The following EXOSC2 variants were observed in gnomAD, a reference collection of about 807,000 sequenced individuals.
EXOSC2 encodes exosome component 2.
EXOSC2 carries 29 observed loss-of-function variants against 37.6 expected under a neutral mutation model. The observed-to-expected ratio is 0.77, with a 90% confidence interval of 0.57 to 1.05. The LOEUF (loss-of-function observed/expected upper bound fraction) is 1.05. Among genes scored for constraint, EXOSC2 ranks in the 50% least tolerant of loss-of-function variants. The pLI is 0.00. For missense variants in EXOSC2, 346 were observed against 365.6 expected (o/e 0.95, Z 0.44); for synonymous variants, 119 against 131.1 (o/e 0.91, Z 0.63).
Position 130,694,222 on chromosome 9 carries a change from G to A in EXOSC2, c.122+309G>A, listed in dbSNP as rs1166611735. Among the ~76,000 whole-genome samples, 2 of 152,140 alleles carry A rather than the reference G, an allele frequency of 1.3e-5. No individual in the cohort carries two copies. The highest frequency in any genetic ancestry group is 2.9e-5 in the Non-Finnish European group (2 of 68,030). ...TGTGGGAGACCTGGAAAGCTGGGGA[G>A]GGTTAGGTGCAGGCTCTTTTCCAGT... On this transcript the variant is annotated intron_variant, in intron 1 of 8. Transcript: ENST00000372358. The surrounding 1 kb of genome is among the most constrained non-coding windows in gnomAD (Gnocchi z 4.0).
chr9:130,695,498 T>C lies in EXOSC2; in HGVS notation c.129T>C (p.His43=). 1 of 1,613,984 alleles carries C rather than the reference T, an allele frequency of 6.2e-7. No individual in the cohort carries two copies. The highest frequency in any genetic ancestry group is 8.5e-7 in the Non-Finnish European group (1 of 1,179,822). Residue 43 remains histidine (H), a synonymous_variant, in exon 2 of 9, where the codon CAT becomes CAC. Coordinates refer to ENST00000372358, the MANE Select transcript of EXOSC2 (RefSeq NM_014285.7). ...TATCTTCGCCTTGCATCAGGGGCCA[T>C]GGAACGTATATGGGAGAAGAGAAGC... ...ITTDTGFMRG[H]GTYMGEEKLI...
rs1831275428 is a variant in EXOSC2 at position 130,704,035 on chromosome 9, T to TA, written c.*262dup. ...TCAGCTCTTTCAAAGTGCACAGTGT[T>TA]ACAGTCGAATGGGCTCCCATCCTGG... On this transcript the variant is annotated 3_prime_UTR_variant, in exon 9 of 9. Transcript: ENST00000372358. 3.3e-6 allele frequency: 1 copy of TA among 306,950 alleles called. No homozygotes were observed. The highest frequency in any genetic ancestry group is 9.8e-5 in the South Asian group (1 of 10,208). The allele number at this position is 306,950 out of a possible 1,614,324, so 19.0% of individuals were successfully genotyped here. A position where few individuals can be genotyped will look rare whatever the true frequency, so the allele number is the denominator to read the frequency against.
At chr9:130,697,474 G>A in intron 2 of EXOSC2, 108 bp from the exon 3 acceptor site, 1 of 1,049,532 alleles carries the variant, frequency 9.5e-7, no homozygotes, top group South Asian at 1.3e-5. Flanking sequence ...GCTGAATGTG[G>A]CGCCTGTTCC....
chr9:130,697,070 T>C (rs1239030422), intron 2 of EXOSC2, among the ~76,000 whole-genome samples: 2 of 152,158 alleles, frequency 1.3e-5, no homozygotes, highest in Non-Finnish European at 2.9e-5. Context: ...TTAAAGGTAT[T>C]AGATTGAGTG....
chr9:130,695,812 G>A (rs988317372), intron 2 of EXOSC2, among the ~76,000 whole-genome samples: 2 of 150,124 alleles, frequency 1.3e-5, no homozygotes, highest in East Asian at 3.9e-4. Context: ...TACCTCCTCT[G>A]CAAAGTGAGT....
At chr9:130,701,093 A>G (rs887116375) in intron 6 of EXOSC2, 158 bp downstream of exon 6, 13 of 663,276 alleles carry the variant, frequency 2.0e-5, no homozygotes, top group Admixed American at 7.8e-5. Context: ...TAAACGTAAC[A>G]TCAGGACGGT....
chr9:130,701,046 A>T (rs1190108204), intron 6 of EXOSC2, 111 bp downstream of exon 6: 19 of 974,586 alleles, frequency 1.9e-5, no homozygotes, highest in Non-Finnish European at 2.4e-5. Flanking sequence ...GCTAAGCATT[A>T]ATAGAGGCTG....
rs753310215 is a variant in EXOSC2, at chr9:130,694,120, G to A, written c.122+207G>A. ...CCGTCTGCATTTGTCTCAGCTCCCT[G>A]AAACCCTCCACTCCTGACCTCCGGT... On this transcript the variant is annotated intron_variant, in intron 1 of 8. Transcript: ENST00000372358. This position sits in a 1 kb window ranked among gnomAD's most constrained non-coding sequence, Gnocchi z 4.0. 1.3e-5 allele frequency among the ~76,000 whole-genome samples: 2 copies of A among 152,022 alleles called. No homozygotes were observed. The highest frequency in any genetic ancestry group is 4.8e-5 in the African/African-American group (2 of 41,394).
chr9:130,703,840 A>AT lies in EXOSC2; in HGVS notation c.*67dup. On this transcript the variant is annotated 3_prime_UTR_variant, in exon 9 of 9. Coordinates refer to ENST00000372358, the MANE Select transcript of EXOSC2 (RefSeq NM_014285.7). The stretch of plus-strand genomic sequence containing the variant: ...GTGAAGACTGTGATGTGTGGTCCCC[A>AT]TATGTGGCTCAGCAAAGACTCGAGA... 1 of 1,317,562 alleles carries AT rather than the reference A, an allele frequency of 7.6e-7. No individual in the cohort carries two copies. The highest frequency in any genetic ancestry group is 1.1e-6 in the Non-Finnish European group (1 of 935,148). The allele number at this position is 1,317,562 out of a possible 1,614,324, so 81.6% of individuals were successfully genotyped here.
chr9:130,696,954 A>G (rs1241595379), intron 2 of EXOSC2, among the ~76,000 whole-genome samples: 1 of 152,144 alleles, frequency 6.6e-6, no homozygotes, highest in African/African-American at 2.4e-5. Context: ...TGCTTGATAC[A>G]TTTGAAAATG....
rs143849216 is a variant in EXOSC2 at position 130,693,815 on chromosome 9, A to G, written c.24A>G (p.Pro8=). ...AGATGGCGATGGAGATGAGGCTTCC[A>G]GTGGCTCGCAAGCCTCTTAGCGAGA... MAMEMRL[P]VARKPLSERL... is the part of the protein sequence containing the mutation. The change falls in exon 1 of 9, where the codon CCA becomes CCG. Residue 8 remains proline, a synonymous_variant. Transcript: ENST00000372358. The G allele has an allele frequency of 5.0e-6, 8 of 1,608,788 alleles. No homozygotes were observed. The highest frequency in any genetic ancestry group is 1.1e-5 in the South Asian group (1 of 90,910).
In EXOSC2 at chr9:130,703,063, T is replaced by G. The variant is rs150614184; in HGVS notation, c.683T>G (p.Leu228Arg). 1.4e-5 allele frequency: 22 copies of G among 1,613,524 alleles called. No individual in the cohort carries two copies. The African/African-American group carries it at 2.4e-4, about 18-fold the overall frequency. The stretch of plus-strand genomic sequence containing the variant: ...TGTGTCTCCTTATAGCCTGTCTCTC[T>G]TGCTGATCGAGAGGTGATATCCCGG... Reference protein sequence around the residue: ...GFIANLEPVSLADREVISRLR... With the variant: ...GFIANLEPVSRADREVISRLR... Residue 228 changes from leucine (L) to arginine (R), a missense_variant, in exon 8 of 9, where the codon CTT (leucine) becomes CGT (arginine). Transcript: ENST00000372358.
intron 7 of EXOSC2, among the ~76,000 whole-genome samples, chr9:130,702,690 G>GTTCAAGTGA (rs1340441642): frequency 6.6e-6 from 1 of 152,150 alleles, no homozygotes; most frequent in Non-Finnish European, 1.5e-5. Context: ...CACCTCCTGG[G>GTTCAAGTGA]TTCAAGTGAT....
intron 5 of EXOSC2, 111 bp downstream of exon 5, chr9:130,699,505 G>A (rs1302717506): frequency 9.1e-6 from 10 of 1,100,836 alleles, no homozygotes; most frequent in East Asian, 2.4e-5. Context: ...GCAGGGATCC[G>A]AGTCTTAGAC....
chr9:130,699,283 T>G, intron 4 of EXOSC2, 46 bp from the exon 5 acceptor site: 1 of 1,592,844 alleles, frequency 6.3e-7, no homozygotes, highest in Non-Finnish European at 8.6e-7. Flanking sequence ...ATGGAGACCT[T>G]TCTGAGGATC....
intron 2 of EXOSC2, among the ~76,000 whole-genome samples, chr9:130,696,110 C>T (rs1343383271): frequency 6.6e-6 from 1 of 152,094 alleles, no homozygotes; most frequent in Non-Finnish European, 1.5e-5. Context: ...TGATTTCCCC[C>T]CACTTGGCCT....
chr9:130,703,794 G>A lies in EXOSC2; in HGVS notation c.*20G>A, dbSNP rs376194925. 103 of 1,603,370 alleles carry A rather than the reference G, an allele frequency of 6.4e-5. 1 individual carries two copies. The South Asian group carries it at 7.2e-4, about 11-fold the overall frequency. On this transcript the variant is annotated 3_prime_UTR_variant, in exon 9 of 9. Coordinates refer to ENST00000372358, the MANE Select transcript of EXOSC2 (RefSeq NM_014285.7). ...GGATAAGGAGGTGCTCCAGAAGCAC[G>A]GGACTGTGGACCTTGCAGGAGTGAA... is the stretch of plus-strand genomic sequence containing the variant.
Position 130,694,046 on chromosome 9 carries a change from A to C in EXOSC2, c.122+133A>C. The C allele has an allele frequency of 2.9e-6, 3 of 1,028,542 alleles. No individual in the cohort carries two copies. Among genetic ancestry groups the C allele is most frequent in the Non-Finnish European group, 2.7e-6 (2 of 751,946 alleles). The allele number at this position is 1,028,542 out of a possible 1,614,324, so 63.7% of individuals were successfully genotyped here. The stretch of plus-strand genomic sequence containing the variant: ...GGCACTTCGTCTGAGCATCCTACAC[A>C]CCTCGCTTCCGAGCCTCGTGCTTCT... On this transcript the variant is annotated intron_variant, in intron 1 of 8. Coordinates refer to ENST00000372358, the MANE Select transcript of EXOSC2 (RefSeq NM_014285.7). The surrounding 1 kb of genome is among the most constrained non-coding windows in gnomAD (Gnocchi z 4.0).
At chr9:130,695,694 T>C (rs1831078424) in intron 2 of EXOSC2, 101 bp downstream of exon 2, 5 of 951,884 alleles carry the variant, frequency 5.3e-6, no homozygotes, top group Non-Finnish European at 8.2e-6. Flanking sequence ...CTGCCTGCCC[T>C]GTCATGCTGT....
Sources: gnomAD v4.1 joint callset for allele counts (sites outside exome capture counted in the v4.1 genomes callset) on GRCh38, gnomAD v4.1.1 for gene constraint, Gnocchi (gnomAD v3.1) non-coding constraint, MANE v1.5 for transcripts, NCBI Gene and HGNC (gene_info 2026-07-23, HGNC 2026-07-21) for gene names.